The following KIAA1217 variants were observed in gnomAD, a reference collection of about 807,000 sequenced individuals.
KIAA1217 encodes the protein KIAA1217, also known as sickle tail protein homolog.
In KIAA1217, 88 loss-of-function variants were observed where a neutral mutation model predicts 163.9. The ratio of observed to expected loss-of-function variants is 0.54; its 90% CI spans 0.45 to 0.64. The LOEUF is 0.64. Ranked by LOEUF, KIAA1217 falls within the 30% of genes least tolerant of loss-of-function variation. The probability of loss-of-function intolerance (pLI) is 0.00; values close to 1 mark genes in which losing one functional copy is unlikely to be tolerated. For synonymous variants in KIAA1217, 903 were observed against 923.1 expected, an observed-to-expected ratio of 0.98 and a Z score of 0.39; for missense variants, 2,372 against 2,475.0, an observed-to-expected ratio of 0.96 and a Z score of 0.88.
rs1159615097 is a variant in KIAA1217, at chr10:24,524,676, A to G, written c.2810A>G (p.Gln937Arg). The change falls in exon 13 of 21, where the codon CAG becomes CGG. Residue 937 changes from glutamine to arginine, a missense_variant. Coordinates refer to ENST00000376454, the MANE Select transcript of KIAA1217 (RefSeq NM_019590.5). Reference sequence around the variant, plus strand: ...ATGTCGCAGGCTCCGCAGTCCCCACAGATACCCATGAATGGGTCTGCCATG... The same window carrying G: ...ATGTCGCAGGCTCCGCAGTCCCCACGGATACCCATGAATGGGTCTGCCATG... ...LQMSQAPQSP[Q>R]IPMNGSAMQS... The G allele has an allele frequency of 2.5e-6, 4 of 1,614,070 alleles. No homozygotes were observed. In the East Asian group the frequency reaches 8.9e-5, roughly 36 times the overall value.
At chr10:24,043,513 C>A (rs1848766161) in intron 2 of KIAA1217, among the ~76,000 whole-genome samples, 1 of 152,056 alleles carries the variant, frequency 6.6e-6, no homozygotes, top group South Asian at 2.1e-4. Flanking sequence ...ATTATTGTTT[C>A]ATCCACTGTG....
intron 2 of KIAA1217, among the ~76,000 whole-genome samples, chr10:24,032,991 C>T (rs1337106657): frequency 6.6e-6 from 1 of 152,162 alleles, no homozygotes; most frequent in Non-Finnish European, 1.5e-5. Context: ...TTTCAAACTG[C>T]TTCTAAATCC....
intron 1 of KIAA1217, among the ~76,000 whole-genome samples, chr10:23,897,996 G>T (rs1035414888): frequency 1.3e-5 from 2 of 151,734 alleles, no homozygotes; most frequent in African/African-American, 4.8e-5. Context: ...CTTCTATTTT[G>T]GTTGAGGCTA....
At chr10:24,159,944 A>G (rs750121574) in intron 2 of KIAA1217, among the ~76,000 whole-genome samples, 1 of 152,182 alleles carries the variant, frequency 6.6e-6, no homozygotes, top group Non-Finnish European at 1.5e-5. Context: ...TTGTTCTAGA[A>G]CCACTTGTTG....
intron 2 of KIAA1217, among the ~76,000 whole-genome samples, chr10:24,073,546 T>C (rs1329854972): frequency 6.6e-6 from 1 of 152,182 alleles, no homozygotes; most frequent in African/African-American, 2.4e-5. Context: ...AGAAAACATG[T>C]CGAGGGCTTA....
chr10:23,807,135 T>C (rs1249658050), intron 1 of KIAA1217, among the ~76,000 whole-genome samples: 1 of 152,246 alleles, frequency 6.6e-6, no homozygotes, highest in Admixed American at 6.5e-5. Flanking sequence ...GTGGCATTGG[T>C]ATGAAGCTCA....
At chr10:24,505,345 G>A (rs1370064362) in intron 9 of KIAA1217, among the ~76,000 whole-genome samples, 2 of 151,428 alleles carry the variant, frequency 1.3e-5, no homozygotes, top group African/African-American at 4.9e-5. Context: ...TCTGTAATTA[G>A]CTAGCAACAA....
At chr10:24,250,463 C>G (rs1305560787) in intron 2 of KIAA1217, among the ~76,000 whole-genome samples, 3 of 150,816 alleles carry the variant, frequency 2.0e-5, no homozygotes, top group Non-Finnish European at 4.4e-5. Flanking sequence ...AATGGGGTCT[C>G]TCTCTGTCAC....
At chr10:24,504,588 G>GCTAT (rs1355361604) in intron 9 of KIAA1217, among the ~76,000 whole-genome samples, 2 of 152,182 alleles carry the variant, frequency 1.3e-5, no homozygotes, top group Non-Finnish European at 2.9e-5. Flanking sequence ...CAATAATGGA[G>GCTAT]CTATCATTAG....
intron 4 of KIAA1217, 78 bp downstream of exon 4, chr10:24,433,271 G>GT (rs35141737): frequency 0.13 from 134,709 of 1,021,382 alleles, 9,190 homozygotes; most frequent in African/African-American, 0.22. Context: ...TTTTTGAGGG[G>GT]TTTTTTTTTA....
chr10:23,703,419 G>C (rs12242354), intron 1 of KIAA1217, among the ~76,000 whole-genome samples: 2,852 of 152,150 alleles, frequency 0.019, 97 homozygotes, highest in African/African-American at 0.065. Flanking sequence ...TCTGATTGTA[G>C]GTTTCTTCCC....
At chr10:24,488,208 A>T (rs1379598435) in intron 6 of KIAA1217, among the ~76,000 whole-genome samples, 2 of 152,170 alleles carry the variant, frequency 1.3e-5, no homozygotes, top group Non-Finnish European at 2.9e-5. Context: ...AAAGATTTTG[A>T]GGCTGTATAG....
chr10:24,471,229 C>T (rs1220450141), intron 5 of KIAA1217, among the ~76,000 whole-genome samples: 1 of 152,136 alleles, frequency 6.6e-6, no homozygotes, highest in African/African-American at 2.4e-5. Flanking sequence ...GCCATTCAAG[C>T]CCCCACCTCT....
At position 24,473,991 on chromosome 10, in the gene KIAA1217, G is replaced by A; in HGVS notation, c.1610G>A (p.Gly537Asp). The A allele has an allele frequency of 6.2e-7, 1 of 1,613,820 alleles. No individual in the cohort carries two copies. Among genetic ancestry groups the A allele is most frequent in the Non-Finnish European group, 8.5e-7 (1 of 1,179,888 alleles). ...AAGLSSLVDL[G>D]PPLMEKQVFA... Reference sequence around the variant, plus strand: ...GGATTATCCAGCCTTGTAGACCTCGGCCCTCCTCTAATGGAGAAGCAAGTT... The same window carrying A: ...GGATTATCCAGCCTTGTAGACCTCGACCCTCCTCTAATGGAGAAGCAAGTT... Residue 537 changes from glycine (G) to aspartate (D), a missense_variant, in exon 6 of 21, where the codon GGC becomes GAC. By Grantham distance (94) the Gly-to-Asp change is moderately conservative. Around this residue, in one of 3 missense-constraint regions of KIAA1217, gnomAD observed 1,431 missense variants for 1,470.3 expected, o/e 0.97. Coordinates refer to ENST00000376454, the MANE Select transcript of KIAA1217 (RefSeq NM_019590.5).
chr10:23,982,060 A>G (rs1328608969), intron 1 of KIAA1217, among the ~76,000 whole-genome samples: 2 of 151,810 alleles, frequency 1.3e-5, no homozygotes, highest in Non-Finnish European at 2.9e-5. Flanking sequence ...GTGGTGAGCC[A>G]TGTGCCTGGA....
At position 24,325,142 on chromosome 10, in the gene KIAA1217, G is replaced by A. The variant is rs1385729183; in HGVS notation, c.355-55727G>A. On this transcript the variant is annotated intron_variant, in intron 2 of 20. Coordinates refer to ENST00000376454, the MANE Select transcript of KIAA1217 (RefSeq NM_019590.5). ...AAGCACTATATATACACAAAAACTC[G>A]GGTTTCTGACTTGTCTTCATTCCTT... is the stretch of plus-strand genomic sequence containing the variant. Among the ~76,000 whole-genome samples, 7 of 152,206 alleles carry A rather than the reference G, an allele frequency of 4.6e-5. 1 individual carries two copies. The South Asian group carries it at 8.3e-4, about 18-fold the overall frequency.
chr10:24,047,942 G>A (rs1849160414), intron 2 of KIAA1217, among the ~76,000 whole-genome samples: 1 of 152,110 alleles, frequency 6.6e-6, no homozygotes, highest in Admixed American at 6.5e-5. Context: ...TAATAATAAG[G>A]AGCAAGCTGA....
intron 2 of KIAA1217, among the ~76,000 whole-genome samples, chr10:24,319,144 G>A (rs567698047): frequency 5.3e-5 from 8 of 152,288 alleles, no homozygotes; most frequent in South Asian, 4.1e-4. Flanking sequence ...TTGGGAGGCC[G>A]AGGCGGGCAG....
intron 1 of KIAA1217, among the ~76,000 whole-genome samples, chr10:23,920,644 G>A (rs1389016971): frequency 6.6e-6 from 1 of 152,128 alleles, no homozygotes; most frequent in Non-Finnish European, 1.5e-5. Flanking sequence ...CTGAGATATA[G>A]TTGTCTGACC....
Sources: allele counts gnomAD v4.1 joint callset (sites outside exome capture counted in the v4.1 genomes callset), GRCh38; gene constraint gnomAD v4.1.1; regional missense constraint gnomAD v4.1.1; transcripts MANE v1.5; gene names NCBI Gene and HGNC (gene_info 2026-07-23, HGNC 2026-07-21).